Variants in PHLDB1 observed in about 807,000 individuals in gnomAD.
PHLDB1 encodes the protein pleckstrin homology-like domain family B member 1.
Under a neutral mutation model 139.3 loss-of-function variants are expected in PHLDB1, and 65 were observed. The ratio of observed to expected loss-of-function variants is 0.47; its 90% CI spans 0.38 to 0.57. The LOEUF is 0.57. Ranked by LOEUF, PHLDB1 falls within the 20% of genes least tolerant of loss-of-function variation. The pLI, the probability that PHLDB1 is intolerant of heterozygous loss-of-function variation, is 0.00. For missense variants in PHLDB1, 1,624 were observed against 1,839.7 expected, an observed-to-expected ratio of 0.88 and a Z score of 2.14; for synonymous variants, 679 against 734.5, an observed-to-expected ratio of 0.92 and a Z score of 1.22.
intron 4 of PHLDB1, among the ~76,000 whole-genome samples, chr11:118,622,039 C>T (rs1942922894): frequency 1.3e-5 from 2 of 152,168 alleles, no homozygotes; most frequent in Admixed American, 6.6e-5. Context: ...GAGTGTGAGC[C>T]TGTTTGTGTT....
rs1555084039 is a variant in PHLDB1 at position 118,611,742 on chromosome 11, C to A, written c.-21-2074C>A. Among the ~76,000 whole-genome samples the A allele has an allele frequency of 6.6e-6, 1 of 151,482 alleles. No homozygotes were observed. The highest frequency in any genetic ancestry group is 2.4e-5 in the African/African-American group (1 of 41,186). On this transcript the variant is annotated intron_variant, in intron 1 of 22. Coordinates refer to ENST00000600882, the MANE Select transcript of PHLDB1 (RefSeq NM_001144758.3). This position sits in a 1 kb window ranked among gnomAD's most constrained non-coding sequence, Gnocchi z 4.7. ...TGGTGGCAGGAGAATCGCTTGAACC[C>A]GGGAGGTGGAGGTTGCGGTAAGCCG...
At chr11:118,613,714 T>C in intron 1 of PHLDB1, 102 bp from the exon 2 acceptor site, 1 of 683,666 alleles carries the variant, frequency 1.5e-6, no homozygotes, top group Non-Finnish European at 2.5e-6. Flanking sequence ...GGAATGATGG[T>C]GACTGGTGAC....
At chr11:118,644,357 AG>A in intron 15 of PHLDB1, 183 bp downstream of exon 15, 1 of 601,034 alleles carries the variant, frequency 1.7e-6, no homozygotes, top group Non-Finnish European at 2.9e-6. Context: ...TAAAGCCTTC[AG>A]GGCAGGAGAC....
Position 118,638,960 on chromosome 11 carries a change from C to T in PHLDB1, c.2605C>T (p.Leu869=), listed in dbSNP as rs1166666196. Residue 869 remains leucine (L), a synonymous_variant, in exon 11 of 23, where the codon CTG becomes TTG. Transcript: ENST00000600882. ...RAQAVQESER[L]ARDKNASLQL... ...TCAGGCCGTGCAGGAATCAGAACGC[C>T]TGGCCCGGGACAAGAATGCCTCCTT... 1 of 1,613,742 alleles carries T rather than the reference C, an allele frequency of 6.2e-7. No individual in the cohort carries two copies. The highest frequency in any genetic ancestry group is 1.3e-5 in the African/African-American group (1 of 74,924).
At chr11:118,648,105 T>G in intron 18 of PHLDB1, 29 bp downstream of exon 18, 1 of 1,608,260 alleles carries the variant, frequency 6.2e-7, no homozygotes, top group Non-Finnish European at 8.5e-7. Context: ...ACAGTGGTGG[T>G]TGGTTTGACG....
intron 6 of PHLDB1, chr11:118,630,097 A>G (rs1405606866): frequency 7.9e-7 from 1 of 1,258,298 alleles, no homozygotes; most frequent in Non-Finnish European, 1.0e-6. Context: ...GTGTATGAGA[A>G]CACCTCTCCA....
In PHLDB1 at chr11:118,631,268, G is replaced by A. The variant is rs782132371; in HGVS notation, c.1889G>A (p.Gly630Glu). The change falls in exon 7 of 23, where the codon GGA becomes GAA. Residue 630 changes from glycine (G) to glutamate (E), a missense_variant. Gly to Glu is a moderately conservative substitution (Grantham distance 98). Coordinates refer to ENST00000600882, the MANE Select transcript of PHLDB1 (RefSeq NM_001144758.3). ...GCCGAATACAGCCGGGCTGATGGGG[G>A]ACCTGAGGCTGGGGAGCTTCCCAGC... is the stretch of plus-strand genomic sequence containing the variant. ...LCAEYSRADG[G>E]PEAGELPSIG... The A allele has an allele frequency of 2.8e-5, 42 of 1,500,014 alleles. No homozygotes were observed. Among genetic ancestry groups the A allele is most frequent in the Middle Eastern group, 1.8e-4 (1 of 5,630 alleles). 92.9% of individuals were successfully genotyped at this position (1,500,014 alleles called of 1,614,324 possible). A position where few individuals can be genotyped will look rare whatever the true frequency, so the allele number is the denominator to read the frequency against.
Position 118,645,725 on chromosome 11 carries a change from C to T in PHLDB1, c.3417-10C>T, listed in dbSNP as rs782007274. ...CCTTGATGCACTTCCTCTTCCCCTTCTCTCCCCAGCGCGAGTGGTCTGGAC... is the reference window on the plus strand; with the variant it reads ...CCTTGATGCACTTCCTCTTCCCCTTTTCTCCCCAGCGCGAGTGGTCTGGAC... On this transcript the variant is annotated splice_polypyrimidine_tract_variant and intron_variant, in intron 16 of 22. Coordinates refer to ENST00000600882, the MANE Select transcript of PHLDB1 (RefSeq NM_001144758.3). This position sits in a 1 kb window ranked among gnomAD's most constrained non-coding sequence, Gnocchi z 5.1. 16 of 1,612,432 alleles carry T rather than the reference C, an allele frequency of 9.9e-6. No homozygotes were observed. In the African/African-American group the frequency reaches 2.0e-4, roughly 20 times the overall value.
Position 118,657,106 on chromosome 11 carries a change from A to C in PHLDB1, c.*283A>C. 1 of 281,400 alleles carries C rather than the reference A, an allele frequency of 3.6e-6. No individual in the cohort carries two copies. 17.4% of individuals were successfully genotyped at this position (281,400 alleles called of 1,614,324 possible). A position where few individuals can be genotyped will look rare whatever the true frequency, so the allele number is the denominator to read the frequency against. Reference sequence around the variant, plus strand: ...CCCCAGCCTGTTTTCTCTTTTCTAAAAGACAAATTATGGTACCATAAGCTG... The same window carrying C: ...CCCCAGCCTGTTTTCTCTTTTCTAACAGACAAATTATGGTACCATAAGCTG... On this transcript the variant is annotated 3_prime_UTR_variant, in exon 23 of 23. Coordinates refer to ENST00000600882, the MANE Select transcript of PHLDB1 (RefSeq NM_001144758.3).
chr11:118,655,458 T>C, intron 20 of PHLDB1, 147 bp from the exon 21 acceptor site: 1 of 611,990 alleles, frequency 1.6e-6, no homozygotes, highest in East Asian at 2.7e-5. Context: ...TTTAGGATTC[T>C]GTATTGGGTT....
intron 12 of PHLDB1, chr11:118,639,963 A>G: frequency 1.0e-6 from 1 of 985,682 alleles, no homozygotes; most frequent in Non-Finnish European, 1.2e-6. Context: ...TGTCTCTTTA[A>G]CCCCACCTGC....
Position 118,657,844 on chromosome 11 carries a change from GATGGAA to G in PHLDB1, c.*1027_*1032del, listed in dbSNP as rs1478463538. 3.0e-5 allele frequency: 5 copies of G among 165,738 alleles called. No individual in the cohort carries two copies. The highest frequency in any genetic ancestry group is 4.8e-5 in the African/African-American group (2 of 41,840). 10.3% of individuals were successfully genotyped at this position (165,738 alleles called of 1,614,324 possible). On this transcript the variant is annotated 3_prime_UTR_variant, in exon 23 of 23. Coordinates refer to ENST00000600882, the MANE Select transcript of PHLDB1 (RefSeq NM_001144758.3). Reference sequence around the variant, plus strand: ...GCCCTTCCTTCAGCCTCCGAAGGGTGATGGAAATGGAGAGTGGAGGACCAGGCCTCC... The same window carrying G: ...GCCCTTCCTTCAGCCTCCGAAGGGTGATGGAGAGTGGAGGACCAGGCCTCC...
intron 4 of PHLDB1, among the ~76,000 whole-genome samples, chr11:118,623,370 T>G (rs1943194252): frequency 6.6e-6 from 1 of 152,206 alleles, no homozygotes; most frequent in Non-Finnish European, 1.5e-5. Context: ...GGAGTTCTGC[T>G]AGCTACAGTT....
rs1555127335 is a variant in PHLDB1, at chr11:118,645,716, C to A, written c.3417-19C>A. The A allele has an allele frequency of 6.2e-7, 1 of 1,612,282 alleles. No individual in the cohort carries two copies. The highest frequency in any genetic ancestry group is 2.2e-5 in the East Asian group (1 of 44,864). ...GCCTCAGCTCCTTGATGCACTTCCT[C>A]TTCCCCTTCTCTCCCCAGCGCGAGT... On this transcript the variant is annotated intron_variant, in intron 16 of 22. Transcript: ENST00000600882. This position sits in a 1 kb window ranked among gnomAD's most constrained non-coding sequence, Gnocchi z 5.1.
chr11:118,647,860 C>T, intron 17 of PHLDB1, 70 bp from the exon 18 acceptor site: 1 of 1,498,576 alleles, frequency 6.7e-7, no homozygotes, highest in Non-Finnish European at 9.0e-7. Context: ...GCAGCCCTGC[C>T]CAGGTGTGAA....
chr11:118,637,004 T>C (rs1361535229), intron 10 of PHLDB1: 2 of 152,172 alleles, frequency 1.3e-5, no homozygotes, highest in Non-Finnish European at 2.9e-5. Context: ...TATCCAGCTT[T>C]CATCCTCAGA....
At position 118,653,966 on chromosome 11, in the gene PHLDB1, C is replaced by G. The variant is rs527873046; in HGVS notation, c.3875-1639C>G. On this transcript the variant is annotated intron_variant, in intron 20 of 22. Coordinates refer to ENST00000600882, the MANE Select transcript of PHLDB1 (RefSeq NM_001144758.3). ...CATACAGGGTGTATTATTAAGGGAACAGTGAGAAGCTCAGATAGGACTTGG... is the reference window on the plus strand; with the variant it reads ...CATACAGGGTGTATTATTAAGGGAAGAGTGAGAAGCTCAGATAGGACTTGG... 2.6e-5 allele frequency: 4 copies of G among 152,316 alleles called. No homozygotes were observed. The East Asian group carries it at 7.7e-4, about 29-fold the overall frequency. 9.4% of individuals were successfully genotyped at this position (152,316 alleles called of 1,614,324 possible).
chr11:118,642,202 C>G (rs1025711285), intron 12 of PHLDB1, 52 bp from the exon 13 acceptor site: 8 of 1,548,606 alleles, frequency 5.2e-6, no homozygotes, highest in Non-Finnish European at 7.1e-6. Context: ...CTGGCCTTTC[C>G]TCTCCATCCT....
At chr11:118,635,604 G>C in intron 10 of PHLDB1, 56 bp downstream of exon 10, 3 of 1,403,016 alleles carry the variant, frequency 2.1e-6, no homozygotes, top group Non-Finnish European at 2.8e-6. Context: ...ACCTGGGTTT[G>C]AATCCCAATG....
Sources: allele counts gnomAD v4.1 joint callset (sites outside exome capture counted in the v4.1 genomes callset), GRCh38; gene constraint gnomAD v4.1.1; non-coding constraint Gnocchi (gnomAD v3.1); transcripts MANE v1.5; gene names NCBI Gene and HGNC (gene_info 2026-07-23, HGNC 2026-07-21).